Variants in ACACA observed in about 807,000 individuals in gnomAD.
ACACA encodes acetyl-CoA carboxylase alpha, also known as acetyl-CoA carboxylase 1.
A neutral mutation model predicts 296.1 loss-of-function variants in ACACA; 103 were observed. That is an observed-to-expected ratio of 0.35 (90% CI 0.30 to 0.41). The LOEUF is 0.41. Ranked by LOEUF, ACACA falls within the 10% of genes least tolerant of loss-of-function variation. The pLI is 1.00. For synonymous variants in ACACA, 953 were observed against 1,038.6 expected, an observed-to-expected ratio of 0.92 and a Z score of 1.58; for missense variants, 1,554 against 2,989.7, an observed-to-expected ratio of 0.52 and a Z score of 11.20.
At chr17:37,260,916 T>C (rs1366451510) in intron 11 of ACACA, among the ~76,000 whole-genome samples, 1 of 152,150 alleles carries the variant, frequency 6.6e-6, no homozygotes, top group African/African-American at 2.4e-5. Flanking sequence ...CTTTTTGTTA[T>C]AGCAGTTTAA....
intron 45 of ACACA, among the ~76,000 whole-genome samples, chr17:37,137,236 G>A (rs1231918077): frequency 2.6e-5 from 4 of 151,964 alleles, no homozygotes; most frequent in Non-Finnish European, 5.9e-5. Flanking sequence ...TTTGTCAGTC[G>A]CCTCCTACTG....
intron 1 of ACACA, among the ~76,000 whole-genome samples, chr17:37,346,701 C>CAAAAAAA (rs1233696565): frequency 2.7e-5 from 1 of 36,698 alleles, no homozygotes; most frequent in African/African-American, 7.1e-5. Flanking sequence ...GACTCCATCT[C>CAAAAAAA]AAAAAAAAAA....
intron 13 of ACACA, 44 bp from the exon 14 acceptor site, chr17:37,257,910 G>T: frequency 6.2e-7 from 1 of 1,602,094 alleles, no homozygotes; most frequent in Non-Finnish European, 8.5e-7. Flanking sequence ...TGTTTCGAAG[G>T]AAGAGAAGAT....
intron 52 of ACACA, among the ~76,000 whole-genome samples, chr17:37,105,922 C>T (rs1408824159): frequency 6.6e-6 from 1 of 151,376 alleles, no homozygotes; most frequent in Non-Finnish European, 1.5e-5. Context: ...TGGTTCAATA[C>T]TTATGATGCT....
intron 54 of ACACA, among the ~76,000 whole-genome samples, chr17:37,090,764 T>C (rs1385345068): frequency 6.6e-6 from 1 of 152,188 alleles, no homozygotes; most frequent in Admixed American, 6.5e-5. Context: ...CCTGGACTCC[T>C]AAACGTCGCC....
At chr17:37,377,674 T>C (rs1240382643) in intron 1 of ACACA, among the ~76,000 whole-genome samples, 4 of 149,146 alleles carry the variant, frequency 2.7e-5, no homozygotes, top group African/African-American at 1.0e-4. Flanking sequence ...AATAAATAAA[T>C]AAATAAATAA....
chr17:37,291,798 C>T (rs1168494342), intron 3 of ACACA, among the ~76,000 whole-genome samples: 4 of 151,882 alleles, frequency 2.6e-5, no homozygotes, highest in Non-Finnish European at 5.9e-5. Flanking sequence ...ATGACTGATA[C>T]GATTATACTA....
At chr17:37,322,849 C>T (rs2047420427) in intron 3 of ACACA, among the ~76,000 whole-genome samples, 1 of 152,198 alleles carries the variant, frequency 6.6e-6, no homozygotes, top group African/African-American at 2.4e-5. Flanking sequence ...CCTCCCTACT[C>T]CAGCCCCTCC....
At chr17:37,154,028 CA>C (rs2076145645) in intron 43 of ACACA, among the ~76,000 whole-genome samples, 1 of 152,134 alleles carries the variant, frequency 6.6e-6, no homozygotes, top group Non-Finnish European at 1.5e-5. Flanking sequence ...AGACTCTAGC[CA>C]AACACAGTGG....
At chr17:37,124,514 T>G (rs1342816530) in intron 48 of ACACA, among the ~76,000 whole-genome samples, 4 of 152,206 alleles carry the variant, frequency 2.6e-5, no homozygotes, top group African/African-American at 9.6e-5. Context: ...AAAGTTGGTC[T>G]TAGTGTGCCG....
chr17:37,170,497 C>G (rs1025961363), intron 41 of ACACA, among the ~76,000 whole-genome samples: 2 of 152,072 alleles, frequency 1.3e-5, no homozygotes, highest in African/African-American at 4.8e-5. Context: ...ATGAATTATT[C>G]ACAACCTCCG....
intron 44 of ACACA, 21 bp from the exon 45 acceptor site, chr17:37,149,995 A>G (rs745897511): frequency 1.2e-6 from 2 of 1,602,262 alleles, no homozygotes; most frequent in Non-Finnish European, 1.7e-6. Context: ...AATAAATTCT[A>G]CATGTCACAT....
intron 1 of ACACA, among the ~76,000 whole-genome samples, chr17:37,361,711 A>G (rs553796392): frequency 3.3e-5 from 5 of 152,336 alleles, no homozygotes; most frequent in Middle Eastern, 6.8e-3. Flanking sequence ...TGTTTGGTGC[A>G]TGCCACAACC....
intron 3 of ACACA, among the ~76,000 whole-genome samples, chr17:37,322,191 A>C (rs1659524484): frequency 6.6e-6 from 1 of 152,186 alleles, no homozygotes; most frequent in Non-Finnish European, 1.5e-5. Context: ...AATATAACTC[A>C]ACTTCAGAGC....
At chr17:37,363,098 C>T (rs1326091755) in intron 1 of ACACA, among the ~76,000 whole-genome samples, 1 of 150,572 alleles carries the variant, frequency 6.6e-6, no homozygotes, top group Non-Finnish European at 1.5e-5. Flanking sequence ...GCGATCCTGC[C>T]ACCTCAGCCT....
intron 14 of ACACA, among the ~76,000 whole-genome samples, chr17:37,255,877 G>C (rs2081204081): frequency 6.6e-6 from 1 of 152,036 alleles, no homozygotes; most frequent in Non-Finnish European, 1.5e-5. Flanking sequence ...TTCCCGAGTA[G>C]CTGGGATTAC....
At chr17:37,328,987 C>T in intron 3 of ACACA, 1 of 398,546 alleles carries the variant, frequency 2.5e-6, no homozygotes, top group East Asian at 3.6e-5. Context: ...AATCCAAGAA[C>T]TGAAAAGTAA....
At chr17:37,332,340 A>G (rs2047922237) in intron 2 of ACACA, among the ~76,000 whole-genome samples, 1 of 151,624 alleles carries the variant, frequency 6.6e-6, no homozygotes, top group South Asian at 2.1e-4. Context: ...AAAAACCAAA[A>G]TAAGAGCCCA....
intron 3 of ACACA, among the ~76,000 whole-genome samples, chr17:37,292,094 A>T: frequency 6.6e-6 from 1 of 152,126 alleles, no homozygotes; most frequent in Admixed American, 6.5e-5. Context: ...GAAATGTGTT[A>T]CCTGTTCAAT....
Sources: gnomAD v4.1 joint callset for allele counts (sites outside exome capture counted in the v4.1 genomes callset) on GRCh38, gnomAD v4.1.1 for gene constraint, MANE v1.5 for transcripts, NCBI Gene and HGNC (gene_info 2026-07-23, HGNC 2026-07-21) for gene names.